The following NFYB variants were observed in gnomAD, a reference collection of about 807,000 sequenced individuals.
NFYB encodes CAAT box DNA-binding protein subunit B.
NFYB carries 13 observed loss-of-function variants against 28.0 expected under a neutral mutation model. The observed-to-expected ratio is 0.46, with a 90% CI of 0.30 to 0.74. The LOEUF is 0.74. Ranked by LOEUF, NFYB falls within the 30% of genes least tolerant of loss-of-function variation. The pLI is 0.07. For missense variants in NFYB, 142 were observed against 247.6 expected, an observed-to-expected ratio of 0.57 and a Z score of 2.86; for synonymous variants, 74 against 75.0, an observed-to-expected ratio of 0.99 and a Z score of 0.07.
At chr12:104,134,694 A>G (rs1169094384) in intron 2 of NFYB, among the ~76,000 whole-genome samples, 3 of 152,202 alleles carry the variant, frequency 2.0e-5, no homozygotes, top group African/African-American at 7.2e-5. Context: ...CAGATCGCAC[A>G]TTTAACCTAA....
At chr12:104,129,962 A>T (rs1427016956) in intron 2 of NFYB, among the ~76,000 whole-genome samples, 1 of 151,154 alleles carries the variant, frequency 6.6e-6, no homozygotes, top group Non-Finnish European at 1.5e-5. Context: ...TTCCTATTTT[A>T]AAAAAAGCCT....
Position 104,123,365 on chromosome 12 carries a change from A to G in NFYB, c.290T>C (p.Ile97Thr). 3.7e-6 allele frequency: 6 copies of G among 1,614,148 alleles called. No homozygotes were observed. The highest frequency in any genetic ancestry group is 5.1e-6 in the Non-Finnish European group (6 of 1,180,002). ...GCACCTTTCACTTGCTTCAGATGTT[A>G]TAAAACTGATGAACTCACTTACACA... The part of the protein sequence containing the change: ...QECVSEFISF[I>T]TSEASERCHQ... The change falls in exon 5 of 8, where the codon ATA becomes ACA. Residue 97 changes from isoleucine to threonine, a missense_variant. Around this residue, in one of 2 missense-constraint regions of NFYB, gnomAD observed 88 missense variants for 189.5 expected, o/e 0.46. Coordinates refer to ENST00000240055, the MANE Select transcript of NFYB (RefSeq NM_006166.4).
chr12:104,130,976 GT>G (rs1244082612), intron 2 of NFYB, among the ~76,000 whole-genome samples: 1 of 152,142 alleles, frequency 6.6e-6, no homozygotes, highest in Non-Finnish European at 1.5e-5. Flanking sequence ...CTGAATGAGT[GT>G]TTACATGATA....
intron 4 of NFYB, among the ~76,000 whole-genome samples, chr12:104,124,896 A>G (rs1284862489): frequency 6.6e-6 from 1 of 152,222 alleles, no homozygotes. Flanking sequence ...TTCTAAGCTT[A>G]GTGATGTATT....
rs1461951562 is a variant in NFYB, at chr12:104,128,083, C to T, written c.100+341G>A. On this transcript the variant is annotated intron_variant, in intron 3 of 7. Transcript: ENST00000240055. ...AGAAATATAATAGCTAGAAATTTAACTCACCCTCTAAATAATTATTTTAGT... is the reference window on the plus strand; with the variant it reads ...AGAAATATAATAGCTAGAAATTTAATTCACCCTCTAAATAATTATTTTAGT... Among the ~76,000 whole-genome samples the T allele has an allele frequency of 2.0e-5, 3 of 152,256 alleles. No individual in the cohort carries two copies. In the East Asian group the frequency reaches 5.8e-4, roughly 29 times the overall value.
intron 3 of NFYB, 99 bp from the exon 4 acceptor site, chr12:104,126,343 C>T: frequency 1.1e-6 from 1 of 877,950 alleles, no homozygotes; most frequent in Non-Finnish European, 1.6e-6. Context: ...CATTCTGGTT[C>T]ACCTCTTAAC....
intron 2 of NFYB, among the ~76,000 whole-genome samples, chr12:104,132,390 A>G (rs374339989): frequency 6.6e-6 from 1 of 151,144 alleles, no homozygotes; most frequent in Non-Finnish European, 1.5e-5. Context: ...TAAGCAGAAG[A>G]GCACAAATCA....
chr12:104,128,277 C>G, intron 3 of NFYB, 147 bp downstream of exon 3: 1 of 464,566 alleles, frequency 2.2e-6, no homozygotes. Context: ...GCATGGTACG[C>G]CTTTTTAGAC....
chr12:104,134,764 T>C (rs12298584), intron 2 of NFYB, among the ~76,000 whole-genome samples: 3,361 of 152,312 alleles, frequency 0.022, 124 homozygotes, highest in African/African-American at 0.077. Flanking sequence ...TGTGCTAGAA[T>C]GTGCTTTATT....
intron 4 of NFYB, 92 bp from the exon 5 acceptor site, chr12:104,123,515 C>T (rs2030562568): frequency 1.1e-6 from 1 of 945,392 alleles, no homozygotes; most frequent in Admixed American, 2.4e-5. Flanking sequence ...AAGAACACAT[C>T]TTCACTTTAT....
At position 104,117,736 on chromosome 12, in the gene NFYB, C is replaced by G. The variant is rs1380357551; in HGVS notation, c.*2001G>C. On this transcript the variant is annotated 3_prime_UTR_variant, in exon 8 of 8. Coordinates refer to ENST00000240055, the MANE Select transcript of NFYB (RefSeq NM_006166.4). ...CAAATTCCTTTTTTATCTTCATTCTCTACTTGAACAAATATTAATCTTTAA... is the reference window on the plus strand; with the variant it reads ...CAAATTCCTTTTTTATCTTCATTCTGTACTTGAACAAATATTAATCTTTAA... 1.3e-5 allele frequency: 2 copies of G among 152,106 alleles called. No homozygotes were observed. The allele number at this position is 152,106 out of a possible 1,614,324, so 9.4% of individuals were successfully genotyped here.
intron 2 of NFYB, among the ~76,000 whole-genome samples, chr12:104,129,002 G>A (rs974820571): frequency 6.6e-6 from 1 of 152,104 alleles, no homozygotes; most frequent in Non-Finnish European, 1.5e-5. Flanking sequence ...CCCACAATTT[G>A]TCCACGATTC....
At chr12:104,135,947 T>G (rs1195477406) in intron 1 of NFYB, among the ~76,000 whole-genome samples, 1 of 152,238 alleles carries the variant, frequency 6.6e-6, no homozygotes. Flanking sequence ...ATCTTAATTT[T>G]TTGGTGATGG....
At chr12:104,128,959 C>T (rs2030825374) in intron 2 of NFYB, among the ~76,000 whole-genome samples, 1 of 152,212 alleles carries the variant, frequency 6.6e-6, no homozygotes, top group Non-Finnish European at 1.5e-5. Flanking sequence ...TCAGCCACCG[C>T]AACCAGCCTA....
In NFYB at chr12:104,118,165, CATTTTT is replaced by C. The variant is rs1347054510; in HGVS notation, c.*1566_*1571del. On this transcript the variant is annotated 3_prime_UTR_variant, in exon 8 of 8. Coordinates refer to ENST00000240055, the MANE Select transcript of NFYB (RefSeq NM_006166.4). ...CAAAATGGTATGCACAATATGAGCCCATTTTTATAAAAATATACATATTTAGCAAAG... is the reference window on the plus strand; with the variant it reads ...CAAAATGGTATGCACAATATGAGCCCATAAAAATATACATATTTAGCAAAG... The C allele has an allele frequency of 2.6e-5, 4 of 152,092 alleles. No homozygotes were observed. The highest frequency in any genetic ancestry group is 2.6e-4 in the Admixed American group (4 of 15,262). 9.4% of individuals were successfully genotyped at this position (152,092 alleles called of 1,614,324 possible). A position where few individuals can be genotyped will look rare whatever the true frequency, so the allele number is the denominator to read the frequency against.
At chr12:104,128,815 A>G (rs1055213284) in intron 2 of NFYB, among the ~76,000 whole-genome samples, 1 of 152,072 alleles carries the variant, frequency 6.6e-6, no homozygotes, top group Non-Finnish European at 1.5e-5. Context: ...ACAGGCATGC[A>G]CCACCATGCC....
intron 2 of NFYB, 66 bp downstream of exon 2, chr12:104,135,381 AC>A: frequency 7.0e-7 from 1 of 1,418,986 alleles, no homozygotes; most frequent in East Asian, 2.5e-5. Flanking sequence ...TAAATTGGTT[AC>A]AATTTTATTT....
intron 2 of NFYB, among the ~76,000 whole-genome samples, chr12:104,130,534 A>G (rs1000827262): frequency 6.6e-6 from 1 of 152,220 alleles, no homozygotes. Flanking sequence ...TACTTTTAGT[A>G]GCCTCTAAGA....
intron 5 of NFYB, 76 bp from the exon 6 acceptor site, chr12:104,121,397 T>C (rs555571145): frequency 1.7e-6 from 2 of 1,193,308 alleles, no homozygotes; most frequent in South Asian, 1.3e-5. Flanking sequence ...ACTTATTGCC[T>C]AAAATTAGGA....
Sources: allele counts gnomAD v4.1 joint callset (sites outside exome capture counted in the v4.1 genomes callset), GRCh38; gene constraint gnomAD v4.1.1; regional missense constraint gnomAD v4.1.1; transcripts MANE v1.5; gene names NCBI Gene and HGNC (gene_info 2026-07-23, HGNC 2026-07-21).